Variants in ZNF704 observed in about 807,000 individuals in gnomAD.
ZNF704 encodes zinc finger protein 704.
Under a neutral mutation model 44.7 loss-of-function variants are expected in ZNF704, and 10 were observed. That is an observed-to-expected ratio of 0.22 (90% CI 0.14 to 0.38). The LOEUF is 0.38. ZNF704 is among the 10% of genes least tolerant of loss of function. ZNF704 has a pLI of 1.00. For synonymous variants in ZNF704, 211 were observed against 207.6 expected (o/e 1.02, Z -0.14); for missense variants, 390 against 545.5 (o/e 0.71, Z 2.84).
Position 80,630,471 on chromosome 8 carries a change from T to A in ZNF704, c.*10895A>T, listed in dbSNP as rs1817565864. Reference sequence around the variant, plus strand: ...TGCATTTCCACTAAATACCCCATTTTAAATATTTAATAATTTCATTTTAAT... The same window carrying A: ...TGCATTTCCACTAAATACCCCATTTAAAATATTTAATAATTTCATTTTAAT... On this transcript the variant is annotated 3_prime_UTR_variant, in exon 9 of 9. Coordinates refer to ENST00000327835, the MANE Select transcript of ZNF704 (RefSeq NM_001033723.3). The A allele has an allele frequency of 6.6e-6, 1 of 152,258 alleles. No individual in the cohort carries two copies. The highest frequency in any genetic ancestry group is 1.5e-5 in the Non-Finnish European group (1 of 68,052). The allele number at this position is 152,258 out of a possible 1,614,324, so 9.4% of individuals were successfully genotyped here.
At chr8:80,843,809 G>C (rs1372586896) in intron 1 of ZNF704, among the ~76,000 whole-genome samples, 1 of 151,908 alleles carries the variant, frequency 6.6e-6, no homozygotes, top group Admixed American at 6.6e-5. Flanking sequence ...TTTTTCCCCA[G>C]AGATAATAAG....
In ZNF704 at chr8:80,633,777, T is replaced by C. The variant is rs1296587323; in HGVS notation, c.*7589A>G. The C allele has an allele frequency of 6.6e-6, 1 of 152,224 alleles. No individual in the cohort carries two copies. Among genetic ancestry groups the C allele is most frequent in the Non-Finnish European group, 1.5e-5 (1 of 68,042 alleles). 9.4% of individuals were successfully genotyped at this position (152,224 alleles called of 1,614,324 possible). A position where few individuals can be genotyped will look rare whatever the true frequency, so the allele number is the denominator to read the frequency against. ...TTACATACGTGAAAGGGTCAGTGAC[T>C]ATCCCAACACCATCAGGACTCTGAT... is the stretch of plus-strand genomic sequence containing the variant. On this transcript the variant is annotated 3_prime_UTR_variant, in exon 9 of 9. Transcript: ENST00000327835.
rs113411435 is a variant in ZNF704 at position 80,851,967 on chromosome 8, A to C, written c.-22+22604T>G. Among the ~76,000 whole-genome samples the C allele has an allele frequency of 3.7e-3, 559 of 152,270 alleles. 2 individuals carry two copies. The highest frequency in any genetic ancestry group is 0.013 in the African/African-American group (540 of 41,550). On this transcript the variant is annotated intron_variant, in intron 1 of 8. Coordinates refer to ENST00000327835, the MANE Select transcript of ZNF704 (RefSeq NM_001033723.3). ...TCTCGGGACTCCCATTTAGAGAGTA[A>C]GGACTGAGGAAAAAAAAGTCTGTGT... is the stretch of plus-strand genomic sequence containing the variant.
rs1817671484 is a variant in ZNF704, at chr8:80,636,909, C to T, written c.*4457G>A. The T allele has an allele frequency of 6.6e-6, 1 of 152,228 alleles. No homozygotes were observed. The highest frequency in any genetic ancestry group is 1.5e-5 in the Non-Finnish European group (1 of 68,042). The allele number at this position is 152,228 out of a possible 1,614,324, so 9.4% of individuals were successfully genotyped here. A position where few individuals can be genotyped will look rare whatever the true frequency, so the allele number is the denominator to read the frequency against. ...AAAGCAAAATGTACATCGTTCACGG[C>T]TTGCTTTCGCCTACGGAATTCTGCT... On this transcript the variant is annotated 3_prime_UTR_variant, in exon 9 of 9. Coordinates refer to ENST00000327835, the MANE Select transcript of ZNF704 (RefSeq NM_001033723.3).
intron 2 of ZNF704, among the ~76,000 whole-genome samples, chr8:80,747,058 C>A (rs995985147): frequency 2.6e-5 from 4 of 152,118 alleles, no homozygotes; most frequent in Admixed American, 6.6e-5. Flanking sequence ...TGTGCTTCAT[C>A]TGGACTTTCC....
At chr8:80,807,943 T>C (rs750670223) in intron 2 of ZNF704, among the ~76,000 whole-genome samples, 5 of 152,224 alleles carry the variant, frequency 3.3e-5, no homozygotes, top group Non-Finnish European at 5.9e-5. Context: ...ATTCTTGGTT[T>C]TCTCTATTCA....
chr8:80,856,854 T>C (rs1563578719), intron 1 of ZNF704, among the ~76,000 whole-genome samples: 1 of 152,224 alleles, frequency 6.6e-6, no homozygotes, highest in Non-Finnish European at 1.5e-5. Flanking sequence ...CATTTCCATA[T>C]ACATTTGAGA....
chr8:80,743,180 T>A (rs1310186247), intron 2 of ZNF704, among the ~76,000 whole-genome samples: 2 of 112,866 alleles, frequency 1.8e-5, no homozygotes, highest in Non-Finnish European at 3.3e-5. Flanking sequence ...CTCTATTACA[T>A]CTTGCAACTG....
At chr8:80,777,496 T>C (rs1807434923) in intron 2 of ZNF704, among the ~76,000 whole-genome samples, 1 of 152,194 alleles carries the variant, frequency 6.6e-6, no homozygotes, top group Non-Finnish European at 1.5e-5. Context: ...CAGTCACCAA[T>C]TACTAATAGT....
intron 2 of ZNF704, among the ~76,000 whole-genome samples, chr8:80,740,203 G>A (rs1806733362): frequency 6.6e-6 from 1 of 152,078 alleles, no homozygotes; most frequent in Non-Finnish European, 1.5e-5. Flanking sequence ...ATGCCTGAAA[G>A]CCCCACTCCC....
chr8:80,646,980 A>G (rs2131592960), intron 7 of ZNF704, among the ~76,000 whole-genome samples: 1 of 152,338 alleles, frequency 6.6e-6, no homozygotes, highest in Admixed American at 6.5e-5. Flanking sequence ...AAGTTTCTAG[A>G]TCATGCAAAG....
At chr8:80,845,198 A>T (rs1808749089) in intron 1 of ZNF704, among the ~76,000 whole-genome samples, 1 of 152,206 alleles carries the variant, frequency 6.6e-6, no homozygotes, top group South Asian at 2.1e-4. Flanking sequence ...TCACTCTTAT[A>T]CTGATTCTGA....
At chr8:80,667,375 C>T (rs566017344) in intron 5 of ZNF704, among the ~76,000 whole-genome samples, 8 of 152,296 alleles carry the variant, frequency 5.3e-5, no homozygotes, top group East Asian at 1.9e-4. Context: ...CAAAAGCAGA[C>T]GCCACCAAGG....
intron 2 of ZNF704, among the ~76,000 whole-genome samples, chr8:80,722,969 C>T (rs2131671992): frequency 6.6e-6 from 1 of 152,304 alleles, no homozygotes; most frequent in Admixed American, 6.5e-5. Context: ...CGAATAAAAA[C>T]AATTCTTTTG....
intron 1 of ZNF704, among the ~76,000 whole-genome samples, chr8:80,825,682 C>T (rs932155650): frequency 3.9e-5 from 6 of 152,176 alleles, no homozygotes; most frequent in African/African-American, 1.2e-4. Context: ...GGAAGTAAAG[C>T]ACTCCTCAGC....
chr8:80,823,722 C>T (rs1199974709), intron 1 of ZNF704, among the ~76,000 whole-genome samples: 1 of 152,154 alleles, frequency 6.6e-6, no homozygotes, highest in Non-Finnish European at 1.5e-5. Flanking sequence ...TGAGACGAAG[C>T]TTCCAGAGGA....
chr8:80,645,080 C>T (rs1817806036), intron 7 of ZNF704: 2 of 1,527,954 alleles, frequency 1.3e-6, no homozygotes, highest in Non-Finnish European at 1.8e-6. Context: ...TTTTAGGGAC[C>T]AGCTTGGCTA....
chr8:80,721,506 G>A (rs1488346759), intron 2 of ZNF704, among the ~76,000 whole-genome samples: 1 of 152,136 alleles, frequency 6.6e-6, no homozygotes, highest in Non-Finnish European at 1.5e-5. Context: ...TCTGCAGTAT[G>A]CCTAAAGGTA....
chr8:80,674,055 T>C (rs894953748), intron 4 of ZNF704, among the ~76,000 whole-genome samples: 3 of 152,174 alleles, frequency 2.0e-5, no homozygotes, highest in Non-Finnish European at 4.4e-5. Flanking sequence ...CAGCTGAAGC[T>C]CTTTGAGGGA....
Sources: allele counts gnomAD v4.1 joint callset (sites outside exome capture counted in the v4.1 genomes callset), GRCh38; gene constraint gnomAD v4.1.1; transcripts MANE v1.5; gene names NCBI Gene and HGNC (gene_info 2026-07-23, HGNC 2026-07-21).